Variants in SAXO3 observed in about 807,000 individuals in gnomAD.
SAXO3 encodes CTB-60B18.10.
chr19:49,020,135 C>T, the SAXO3 span: 1 of 745,202 alleles, frequency 1.3e-6, no homozygotes, highest in East Asian at 3.3e-5. Context: ...CGCACATCAG[C>T]TAGAAAGACT....
At chr19:49,019,071 G>A in the SAXO3 span, 3 of 1,462,834 alleles carry the variant, frequency 2.1e-6, no homozygotes, top group Non-Finnish European at 2.7e-6. Context: ...CCTGGGTCCC[G>A]AGTTCAGAAT....
the SAXO3 span, chr19:49,019,056 C>G: frequency 1.1e-5 from 16 of 1,479,910 alleles, no homozygotes; most frequent in South Asian, 2.1e-4. Flanking sequence ...TACCCCATCC[C>G]AAGCCCTGGG....
chr19:49,020,082 C>G, the SAXO3 span: 2 of 1,401,124 alleles, frequency 1.4e-6, no homozygotes, highest in African/African-American at 1.5e-5. Flanking sequence ...TGCTTTGCAA[C>G]TTGGGGTAGA....
At chr19:49,018,217 TCGGGGCGGCCGGGAGGAGCGCGGA>T in the SAXO3 span, 6 of 588,624 alleles carry the variant, frequency 1.0e-5, no homozygotes, top group Non-Finnish European at 1.5e-5. Flanking sequence ...CCCGCGGTGG[TCGGGGCGGCCGGGAGGAGCGCGGA>T]CAGGGCGGCC....
the SAXO3 span, chr19:49,018,253 C>T: frequency 5.5e-5 from 52 of 941,942 alleles, no homozygotes; most frequent in Non-Finnish European, 7.0e-5. Context: ...AGGGCGGCCG[C>T]TGCGGGCCGT....
the SAXO3 span, chr19:49,019,889 C>T: frequency 5.0e-6 from 7 of 1,406,872 alleles, no homozygotes; most frequent in Admixed American, 2.0e-5. Flanking sequence ...CTGCGGACTC[C>T]GGCACTCCCC....
the SAXO3 span, chr19:49,019,790 G>C: frequency 8.2e-7 from 1 of 1,223,004 alleles, no homozygotes; most frequent in African/African-American, 1.6e-5. Flanking sequence ...AGTGGGAGGC[G>C]CCAGCCGCGG....
chr19:49,020,179 G>C, the SAXO3 span: 6 of 522,650 alleles, frequency 1.1e-5, no homozygotes, highest in Non-Finnish European at 1.3e-5. Context: ...CCCAAACTCT[G>C]ACCTCTTCCA....
chr19:49,020,432 GC>G, the SAXO3 span: 1 of 399,358 alleles, frequency 2.5e-6, no homozygotes, highest in Non-Finnish European at 4.4e-6. Context: ...AAAAGTAGCT[GC>G]TGGTGAGATG....
chr19:49,018,876 G>T, the SAXO3 span: 5 of 1,533,824 alleles, frequency 3.3e-6, no homozygotes, highest in South Asian at 6.0e-5. Context: ...GGCTTACTTG[G>T]GATAGAACCG....
At chr19:49,018,939 C>T in the SAXO3 span, 5 of 1,534,372 alleles carry the variant, frequency 3.3e-6, no homozygotes, top group South Asian at 3.6e-5. Context: ...CAGGACGCCC[C>T]GGTCGGATAC....
At chr19:49,018,257 G>T in the SAXO3 span, 1 of 959,574 alleles carries the variant, frequency 1.0e-6, no homozygotes, top group Non-Finnish European at 1.4e-6. Context: ...CGGCCGCTGC[G>T]GGCCGTGGCT....
chr19:49,020,359 C>T, the SAXO3 span: 1 of 411,906 alleles, frequency 2.4e-6, no homozygotes, highest in Non-Finnish European at 4.3e-6. Flanking sequence ...AGGGCTGCAG[C>T]GTAGGGTCCG....
At chr19:49,018,171 T>A in the SAXO3 span, 1 of 409,652 alleles carries the variant, frequency 2.4e-6, no homozygotes, top group Non-Finnish European at 4.2e-6. Flanking sequence ...CGGTGCGGCA[T>A]GGCCGAGGTC....
At chr19:49,018,211 C>T in the SAXO3 span, 6 of 536,110 alleles carry the variant, frequency 1.1e-5, no homozygotes, top group Non-Finnish European at 1.7e-5. Context: ...CGCGGACCCG[C>T]GGTGGTCGGG....
At chr19:49,019,141 T>G in the SAXO3 span, 3 of 1,415,720 alleles carry the variant, frequency 2.1e-6, no homozygotes, top group Admixed American at 2.9e-5. Context: ...GCCCCAGGGT[T>G]AGAGCCCTTC....
the SAXO3 span, chr19:49,019,316 G>A: frequency 8.4e-7 from 1 of 1,188,744 alleles, no homozygotes. Context: ...AACCGTCTTG[G>A]TGTGGCCACT....
At chr19:49,019,617 T>C in the SAXO3 span, 2 of 1,253,898 alleles carry the variant, frequency 1.6e-6, no homozygotes, top group Non-Finnish European at 2.0e-6. Context: ...CTCCGCCCCG[T>C]CTCGCCGGCG....
chr19:49,018,396 C>G, the SAXO3 span: 1 of 1,077,796 alleles, frequency 9.3e-7, no homozygotes, highest in Non-Finnish European at 1.2e-6. Flanking sequence ...GGACGAGTTT[C>G]AGACCTCGGG....
Sources: allele counts gnomAD v4.1 joint callset, GRCh38; gene constraint gnomAD v4.1.1; transcripts MANE v1.5; gene names NCBI Gene and HGNC (gene_info 2026-07-23, HGNC 2026-07-21).